The following SRGAP2C variants were observed in gnomAD, a reference collection of about 807,000 sequenced individuals.
SRGAP2C encodes the protein SLIT-ROBO Rho GTPase-activating protein 2C.
SRGAP2C carries 15 observed loss-of-function variants against 25.1 expected under a neutral mutation model. The observed-to-expected ratio is 0.60, with a 90% CI of 0.40 to 0.92. The LOEUF is 0.92. Ranked by LOEUF, SRGAP2C falls within the 40% of genes least tolerant of loss-of-function variation. SRGAP2C has a pLI of 0.00. For synonymous variants in SRGAP2C, 44 were observed against 96.6 expected, an observed-to-expected ratio of 0.46 and a Z score of 3.19; for missense variants, 144 against 264.4, an observed-to-expected ratio of 0.54 and a Z score of 3.16.
rs1316446060 is a variant in SRGAP2C, at chr1:121,357,618, AT to A, written c.424-7674del. Among the ~76,000 whole-genome samples, 12 of 136,344 alleles carry A rather than the reference AT, an allele frequency of 8.8e-5. No individual in the cohort carries two copies. In the East Asian group the frequency reaches 2.7e-3, roughly 31 times the overall value. The allele number at this position is 136,344 out of a possible 152,430, so 89.4% of individuals were successfully genotyped here. A position where few individuals can be genotyped will look rare whatever the true frequency, so the allele number is the denominator to read the frequency against. ...ACTGAAACTGGGGAAGAAAAAGATT[AT>A]GCAACAGCAGGCATAAGGAAAAACA... On this transcript the variant is annotated intron_variant, in intron 4 of 9. Coordinates refer to ENST00000367123, the MANE Select transcript of SRGAP2C (RefSeq NM_001329984.2).
chr1:121,191,421 T>G (rs1346493055), intron 2 of SRGAP2C, among the ~76,000 whole-genome samples: 6 of 151,876 alleles, frequency 4.0e-5, no homozygotes, highest in African/African-American at 1.5e-4. Context: ...TATTGGTATT[T>G]TTATTGTTTT....
chr1:121,254,620 G>GAGTA (rs1433883827), intron 2 of SRGAP2C, among the ~76,000 whole-genome samples: 42 of 148,840 alleles, frequency 2.8e-4, no homozygotes, highest in African/African-American at 9.9e-4. Context: ...TTACGTCTTA[G>GAGTA]AGTAGCTGGG....
chr1:121,350,730 G>GA (rs1658881873), intron 4 of SRGAP2C, among the ~76,000 whole-genome samples: 1 of 151,950 alleles, frequency 6.6e-6, no homozygotes, highest in Admixed American at 6.6e-5. Flanking sequence ...AGCAACAAAA[G>GA]AAAAAATAAA....
intron 3 of SRGAP2C, chr1:121,314,798 T>C (rs1658057447): frequency 2.2e-6 from 1 of 446,720 alleles, no homozygotes; most frequent in South Asian, 1.9e-5. Flanking sequence ...GATCTCCAGC[T>C]GCCTGCTGGG....
At position 121,264,932 on chromosome 1, in the gene SRGAP2C, C is replaced by T. The variant is rs587644649; in HGVS notation, c.68-19871C>T. On this transcript the variant is annotated intron_variant, in intron 2 of 9. Coordinates refer to ENST00000367123, the MANE Select transcript of SRGAP2C (RefSeq NM_001329984.2). ...TGAACTTGGGCAGGGCATGGTGGCTCACGCCCATAATCCCAGCACTTTGGG... is the reference window on the plus strand; with the variant it reads ...TGAACTTGGGCAGGGCATGGTGGCTTACGCCCATAATCCCAGCACTTTGGG... Among the ~76,000 whole-genome samples, 8 of 120,322 alleles carry T rather than the reference C, an allele frequency of 6.6e-5. 1 individual carries two copies. Among genetic ancestry groups the T allele is most frequent in the African/African-American group, 2.6e-4 (8 of 30,734 alleles). 78.9% of individuals were successfully genotyped at this position (120,322 alleles called of 152,430 possible).
chr1:121,293,064 AAAATT>A (rs1439184539), intron 3 of SRGAP2C, among the ~76,000 whole-genome samples: 1 of 128,020 alleles, frequency 7.8e-6, no homozygotes, highest in Non-Finnish European at 1.6e-5. Flanking sequence ...GGGAGATAAA[AAAATT>A]AAAGTGCCAA....
At chr1:121,315,342 T>G (rs1443857325) in intron 3 of SRGAP2C, among the ~76,000 whole-genome samples, 6,679 of 148,128 alleles carry the variant, frequency 0.045, 520 homozygotes, top group African/African-American at 0.16. Context: ...GAAGAGATTT[T>G]GAGACCCAGA....
At chr1:121,308,912 C>A (rs1212103799) in intron 3 of SRGAP2C, among the ~76,000 whole-genome samples, 3 of 125,362 alleles carry the variant, frequency 2.4e-5, no homozygotes, top group Non-Finnish European at 3.3e-5. Context: ...GCACTCTAGC[C>A]TGGACAACAA....
At chr1:121,223,998 C>T (rs1403602083) in intron 2 of SRGAP2C, among the ~76,000 whole-genome samples, 5 of 151,760 alleles carry the variant, frequency 3.3e-5, no homozygotes, top group Admixed American at 6.6e-5. Context: ...TTACAGAGGC[C>T]GCTTGGCCTC....
At chr1:121,295,407 G>T (rs1313875722) in intron 3 of SRGAP2C, among the ~76,000 whole-genome samples, 15 of 150,696 alleles carry the variant, frequency 1.0e-4, no homozygotes, top group Non-Finnish European at 2.1e-4. Flanking sequence ...TGCTGCAGTA[G>T]ATCATAAGGA....
At chr1:121,270,759 A>G (rs1291907390) in intron 2 of SRGAP2C, among the ~76,000 whole-genome samples, 1 of 140,734 alleles carries the variant, frequency 7.1e-6, no homozygotes, top group Admixed American at 7.0e-5. Flanking sequence ...GATATAATTT[A>G]TCTTTGAATA....
intron 2 of SRGAP2C, among the ~76,000 whole-genome samples, chr1:121,224,025 T>C (rs1444048368): frequency 1.3e-5 from 2 of 152,170 alleles, no homozygotes; most frequent in Admixed American, 6.6e-5. Flanking sequence ...ATTGAGTCTT[T>C]GGACAAACTT....
At chr1:121,386,009 G>A (rs1297962617) in intron 8 of SRGAP2C, among the ~76,000 whole-genome samples, 13 of 130,090 alleles carry the variant, frequency 1.0e-4, no homozygotes, top group Non-Finnish European at 1.6e-4. Context: ...CTGGCTTCAC[G>A]CTTTCTCATT....
chr1:121,355,220 CA>C (rs1429705929), intron 4 of SRGAP2C, among the ~76,000 whole-genome samples: 1 of 143,276 alleles, frequency 7.0e-6, no homozygotes, highest in Non-Finnish European at 1.5e-5. Flanking sequence ...ACAACTAGAC[CA>C]AAAAAGTCAG....
intron 3 of SRGAP2C, among the ~76,000 whole-genome samples, chr1:121,286,786 T>C (rs1284858086): frequency 6.7e-6 from 1 of 150,322 alleles, no homozygotes; most frequent in Non-Finnish European, 1.5e-5. Context: ...CTCAAACAGG[T>C]TTCCAACCTT....
At chr1:121,314,665 G>T (rs1290004791) in intron 3 of SRGAP2C, among the ~76,000 whole-genome samples, 12 of 149,954 alleles carry the variant, frequency 8.0e-5, no homozygotes, top group African/African-American at 3.0e-4. Context: ...TCAGCTGCAG[G>T]TCTGTTGGAA....
At chr1:121,308,088 T>C (rs1657885182) in intron 3 of SRGAP2C, among the ~76,000 whole-genome samples, 2 of 150,074 alleles carry the variant, frequency 1.3e-5, no homozygotes, top group South Asian at 4.3e-4. Flanking sequence ...AGCTCTGCGC[T>C]CTGGGGCTCT....
At chr1:121,285,402 T>TCACACACA (rs1452003957) in intron 3 of SRGAP2C, among the ~76,000 whole-genome samples, 3,675 of 127,898 alleles carry the variant, frequency 0.029, 41 homozygotes, top group Non-Finnish European at 0.033. Flanking sequence ...TCTCTCTCTC[T>TCACACACA]CTCACACACA....
Position 121,284,903 on chromosome 1 carries a change from G to A in SRGAP2C, c.168G>A (p.Lys56=). 2 of 1,532,432 alleles carry A rather than the reference G, an allele frequency of 1.3e-6. No homozygotes were observed. Among genetic ancestry groups the A allele is most frequent in the African/African-American group, 2.8e-5 (2 of 72,202 alleles). The allele number at this position is 1,532,432 out of a possible 1,614,324, so 94.9% of individuals were successfully genotyped here. Residue 56 remains lysine, a synonymous_variant, in exon 3 of 10, where the codon AAG becomes AAA. Coordinates refer to ENST00000367123, the MANE Select transcript of SRGAP2C (RefSeq NM_001329984.2). The part of the protein sequence containing the change: ...LQDLQDFFRK[K]AEIEMDYSRN... The stretch of plus-strand genomic sequence containing the variant: ...ACCTCCAGGACTTCTTCCGAAAGAA[G>A]GCAGAGATTGAGATGGACTACTCCC...
Sources: gnomAD v4.1 joint callset for allele counts (sites outside exome capture counted in the v4.1 genomes callset) on GRCh38, gnomAD v4.1.1 for gene constraint, MANE v1.5 for transcripts, NCBI Gene and HGNC (gene_info 2026-07-23, HGNC 2026-07-21) for gene names.